The following HHAT variants were observed in gnomAD, a reference collection of about 807,000 sequenced individuals.
HHAT encodes the protein hedgehog acyltransferase.
HHAT carries 47 observed loss-of-function variants against 70.8 expected under a neutral mutation model. That is an observed-to-expected ratio of 0.66 (90% CI 0.53 to 0.85). HHAT has a LOEUF of 0.85. Ranked by LOEUF, HHAT falls within the 40% of genes least tolerant of loss-of-function variation. HHAT has a pLI of 0.00. For missense variants in HHAT, 609 were observed against 604.8 expected (o/e 1.01, Z -0.07); for synonymous variants, 228 against 247.6 (o/e 0.92, Z 0.74).
chr1:210,427,706 G>C lies in HHAT; in HGVS notation c.856+9381G>C, dbSNP rs540908215. Among the ~76,000 whole-genome samples the C allele has an allele frequency of 2.6e-5, 4 of 152,196 alleles. No individual in the cohort carries two copies. The South Asian group carries it at 8.3e-4, about 32-fold the overall frequency. On this transcript the variant is annotated intron_variant, in intron 7 of 11. Coordinates refer to ENST00000261458, the MANE Select transcript of HHAT (RefSeq NM_018194.6). ...TCAGTTCTTTTGCATTTGCTGAGGA[G>C]TGTTTTCTGATTATGTGATCAATTT... is the stretch of plus-strand genomic sequence containing the variant.
chr1:210,592,453 A>T (rs1661947225), intron 10 of HHAT, among the ~76,000 whole-genome samples: 1 of 152,130 alleles, frequency 6.6e-6, no homozygotes, highest in Non-Finnish European at 1.5e-5. Flanking sequence ...TATATTTTGA[A>T]GTTAAGTAAT....
chr1:210,338,321 CAG>C (rs776048437), intron 1 of HHAT, among the ~76,000 whole-genome samples: 2 of 152,088 alleles, frequency 1.3e-5, no homozygotes. Context: ...GCCTGAACAA[CAG>C]AGAGTGAGAC....
At chr1:210,589,030 C>T (rs1661095559) in intron 10 of HHAT, 1 of 152,192 alleles carries the variant, frequency 6.6e-6, no homozygotes, top group Non-Finnish European at 1.5e-5. Context: ...AGGAAATCAT[C>T]AGTTCTGAAG....
intron 10 of HHAT, among the ~76,000 whole-genome samples, chr1:210,608,059 G>A (rs1231321614): frequency 3.3e-5 from 5 of 152,110 alleles, no homozygotes; most frequent in African/African-American, 9.7e-5. Flanking sequence ...TGGATGGTAT[G>A]GATATATAAT....
intron 9 of HHAT, among the ~76,000 whole-genome samples, chr1:210,547,805 C>T (rs1466923281): frequency 6.6e-6 from 1 of 152,186 alleles, no homozygotes; most frequent in African/African-American, 2.4e-5. Context: ...CCTCACCGAA[C>T]AACCTATTTC....
intron 9 of HHAT, among the ~76,000 whole-genome samples, chr1:210,527,390 T>G (rs185090003): frequency 6.6e-6 from 1 of 152,312 alleles, no homozygotes; most frequent in East Asian, 1.9e-4. Context: ...TTCACTTTCC[T>G]TATCTGTAAA....
At chr1:210,430,128 A>G (rs1365638723) in intron 7 of HHAT, among the ~76,000 whole-genome samples, 1 of 151,940 alleles carries the variant, frequency 6.6e-6, no homozygotes, top group Non-Finnish European at 1.5e-5. Context: ...AATTCAATGT[A>G]GTAATTTTCC....
In HHAT at chr1:210,328,948, C is replaced by G; in HGVS notation, c.-200C>G. The G allele has an allele frequency of 8.4e-7, 1 of 1,197,570 alleles. No homozygotes were observed. The highest frequency in any genetic ancestry group is 1.1e-6 in the Non-Finnish European group (1 of 935,646). The allele number at this position is 1,197,570 out of a possible 1,614,324, so 74.2% of individuals were successfully genotyped here. A position where few individuals can be genotyped will look rare whatever the true frequency, so the allele number is the denominator to read the frequency against. On this transcript the variant is annotated 5_prime_UTR_variant, in exon 1 of 12. Transcript: ENST00000261458. ...CTCGGAGGACGCGCGCTGCGCTGCT[C>G]CTCCAAAGGGCAGCTCCGGGGGAAA... is the stretch of plus-strand genomic sequence containing the variant.
chr1:210,338,727 C>A (rs1381504081), intron 1 of HHAT, among the ~76,000 whole-genome samples: 1 of 152,208 alleles, frequency 6.6e-6, no homozygotes, highest in African/African-American at 2.4e-5. Flanking sequence ...CTTTGGCATT[C>A]TGACTCCAGA....
At position 210,671,449 on chromosome 1, in the gene HHAT, C is replaced by A. The variant is rs867571751; in HGVS notation, c.1391-2839C>A. On this transcript the variant is annotated intron_variant, in intron 11 of 11. Transcript: ENST00000261458. ...ACCTGGCTGTATTGAGCTAGTGTTC[C>A]CCTGCAAATTCATGTGTACCTGGCA... is the stretch of plus-strand genomic sequence containing the variant. Among the ~76,000 whole-genome samples the A allele has an allele frequency of 2.6e-5, 4 of 152,098 alleles. No homozygotes were observed. The East Asian group carries it at 7.7e-4, about 29-fold the overall frequency.
At chr1:210,518,618 T>C (rs1223448491) in intron 9 of HHAT, among the ~76,000 whole-genome samples, 2 of 152,024 alleles carry the variant, frequency 1.3e-5, no homozygotes, top group Non-Finnish European at 2.9e-5. Context: ...CATGGCAAAA[T>C]CCCATCTCTA....
chr1:210,550,164 G>C (rs1338020987), intron 9 of HHAT, among the ~76,000 whole-genome samples: 1 of 149,294 alleles, frequency 6.7e-6, no homozygotes, highest in Non-Finnish European at 1.5e-5. Context: ...AAAGCTGTTT[G>C]ATTATTCCAG....
chr1:210,606,041 A>C (rs139152452), intron 10 of HHAT, among the ~76,000 whole-genome samples: 2,249 of 151,950 alleles, frequency 0.015, 37 homozygotes, highest in African/African-American at 0.05. Flanking sequence ...TATTTTTAGT[A>C]GAGATGGAAT....
chr1:210,532,870 T>TC (rs1257383564), intron 9 of HHAT, among the ~76,000 whole-genome samples: 2 of 152,018 alleles, frequency 1.3e-5, no homozygotes, highest in Admixed American at 6.6e-5. Flanking sequence ...GAAGAAAGAG[T>TC]CCTAGGGGGC....
intron 7 of HHAT, among the ~76,000 whole-genome samples, chr1:210,430,988 T>C (rs2148324158): frequency 6.6e-6 from 1 of 152,050 alleles, no homozygotes; most frequent in South Asian, 2.1e-4. Flanking sequence ...CTGCAATCTT[T>C]GTTAGTCTGA....
intron 3 of HHAT, among the ~76,000 whole-genome samples, chr1:210,363,554 T>G (rs1325798393): frequency 6.6e-6 from 1 of 152,122 alleles, no homozygotes; most frequent in Non-Finnish European, 1.5e-5. Context: ...GACTACTTTT[T>G]TCTCCCACCA....
chr1:210,560,273 C>T (rs555290275), intron 9 of HHAT, among the ~76,000 whole-genome samples: 3 of 152,266 alleles, frequency 2.0e-5, no homozygotes, highest in South Asian at 2.1e-4. Context: ...GAAAAGAACA[C>T]GGTGAGAATA....
At chr1:210,427,309 C>A (rs1022107866) in intron 7 of HHAT, among the ~76,000 whole-genome samples, 2 of 152,028 alleles carry the variant, frequency 1.3e-5, no homozygotes, top group African/African-American at 4.8e-5. Context: ...CCTTTCAGTT[C>A]AGCTCTGATT....
intron 9 of HHAT, among the ~76,000 whole-genome samples, chr1:210,542,598 G>C (rs1013879771): frequency 6.6e-6 from 1 of 151,684 alleles, no homozygotes; most frequent in Middle Eastern, 3.2e-3. Flanking sequence ...AGGAGTTGAA[G>C]ACTGGCCTGG....
Sources: allele counts gnomAD v4.1 joint callset (sites outside exome capture counted in the v4.1 genomes callset), GRCh38; gene constraint gnomAD v4.1.1; transcripts MANE v1.5; gene names NCBI Gene and HGNC (gene_info 2026-07-23, HGNC 2026-07-21).